ARID4B: variants seen among roughly 807,000 people sequenced by gnomAD.
ARID4B encodes the protein AT-rich interactive domain-containing protein 4B.
In ARID4B, 26 loss-of-function variants were observed where a neutral mutation model predicts 147.5. That is an observed-to-expected ratio of 0.18 (90% CI 0.13 to 0.24). ARID4B has a LOEUF of 0.24. ARID4B is among the 10% of genes least tolerant of loss of function. The pLI is 1.00. For missense variants in ARID4B, 1,179 were observed against 1,511.5 expected (o/e 0.78, Z 3.65); for synonymous variants, 512 against 507.9 (o/e 1.01, Z -0.11).
chr1:235,250,144 G>T (rs575294295), intron 6 of ARID4B, among the ~76,000 whole-genome samples: 1 of 151,904 alleles, frequency 6.6e-6, no homozygotes, highest in South Asian at 2.1e-4. Flanking sequence ...AAAATAAAAA[G>T]ATAAACTGAC....
intron 2 of ARID4B, among the ~76,000 whole-genome samples, chr1:235,318,168 CTTTTTTTTTTTTTT>C (rs372816686): frequency 8.9e-6 from 1 of 111,988 alleles, no homozygotes; most frequent in African/African-American, 4.2e-5. Flanking sequence ...CTTGCTACTC[CTTTTTTTTTTTTTT>C]TTTTTTTTTT....
intron 17 of ARID4B, among the ~76,000 whole-genome samples, chr1:235,210,896 A>G (rs1337978265): frequency 6.6e-6 from 1 of 152,242 alleles, no homozygotes; most frequent in Admixed American, 6.5e-5. Context: ...TACCATCTAA[A>G]ATCAAAATAC....
At chr1:235,300,477 C>T (rs1258339528) in intron 2 of ARID4B, among the ~76,000 whole-genome samples, 1 of 151,718 alleles carries the variant, frequency 6.6e-6, no homozygotes, top group African/African-American at 2.4e-5. Flanking sequence ...ACTCTATGCT[C>T]TATAACTTTC....
At chr1:235,299,022 G>A (rs1275606320) in intron 2 of ARID4B, among the ~76,000 whole-genome samples, 1 of 152,092 alleles carries the variant, frequency 6.6e-6, no homozygotes, top group East Asian at 1.9e-4. Context: ...GGGAGGCAGA[G>A]GCAAGAGGAT....
chr1:235,254,255 T>C (rs1669813465), intron 5 of ARID4B, among the ~76,000 whole-genome samples: 1 of 152,106 alleles, frequency 6.6e-6, no homozygotes, highest in Non-Finnish European at 1.5e-5. Flanking sequence ...CTATTCTATC[T>C]GAAAGTTCTA....
At chr1:235,233,579 T>C (rs1668375016) in intron 9 of ARID4B, among the ~76,000 whole-genome samples, 1 of 152,264 alleles carries the variant, frequency 6.6e-6, no homozygotes, top group African/African-American at 2.4e-5. Context: ...CTGGCTTCTC[T>C]AGTCATATAA....
intron 2 of ARID4B, among the ~76,000 whole-genome samples, chr1:235,264,438 T>C (rs1670474502): frequency 6.6e-6 from 1 of 152,212 alleles, no homozygotes; most frequent in Non-Finnish European, 1.5e-5. Context: ...CACTCTATCA[T>C]TACTTTAACA....
chr1:235,327,438 T>A (rs1373635858), intron 1 of ARID4B: 2 of 152,216 alleles, frequency 1.3e-5, no homozygotes, highest in African/African-American at 4.8e-5. Flanking sequence ...CACGTCCCGT[T>A]CCGGGCTCAG....
At chr1:235,274,806 T>G (rs1192876472) in intron 2 of ARID4B, among the ~76,000 whole-genome samples, 1 of 152,222 alleles carries the variant, frequency 6.6e-6, no homozygotes, top group Admixed American at 6.5e-5. Context: ...TTTTACTCCC[T>G]GATTCTCAGT....
intron 6 of ARID4B, among the ~76,000 whole-genome samples, chr1:235,251,321 A>T (rs1669633414): frequency 6.6e-6 from 1 of 152,172 alleles, no homozygotes; most frequent in Admixed American, 6.5e-5. Context: ...AAGCATTTAT[A>T]ATGGCCTTCA....
At chr1:235,169,558 C>CG (rs1663183988) in intron 23 of ARID4B, among the ~76,000 whole-genome samples, 2 of 145,512 alleles carry the variant, frequency 1.4e-5, no homozygotes, top group South Asian at 2.2e-4. Flanking sequence ...TTTTTTGAGA[C>CG]GGAGTCTCAC....
intron 16 of ARID4B, among the ~76,000 whole-genome samples, chr1:235,215,312 A>G (rs1453932499): frequency 2.6e-5 from 4 of 152,118 alleles, no homozygotes; most frequent in Non-Finnish European, 5.9e-5. Flanking sequence ...ATGAAATCCA[A>G]GGCTACATTT....
At chr1:235,172,586 T>G in intron 23 of ARID4B, 32 bp downstream of exon 23, 1 of 1,402,858 alleles carries the variant, frequency 7.1e-7, no homozygotes, top group Non-Finnish European at 9.5e-7. Context: ...TCAAAATAAA[T>G]AAATAAATAA....
At chr1:235,288,455 ATC>A (rs529087917) in intron 2 of ARID4B, among the ~76,000 whole-genome samples, 9 of 152,184 alleles carry the variant, frequency 5.9e-5, no homozygotes, top group Non-Finnish European at 1.3e-4. Flanking sequence ...ATTTCTGTGA[ATC>A]TATTTTTACA....
At chr1:235,309,060 A>T (rs1242889342) in intron 2 of ARID4B, among the ~76,000 whole-genome samples, 2 of 140,988 alleles carry the variant, frequency 1.4e-5, no homozygotes, top group Non-Finnish European at 1.5e-5. Context: ...CATCCCATCT[A>T]GGAAGTGAGG....
At chr1:235,252,031 A>G (rs968524217) in intron 6 of ARID4B, among the ~76,000 whole-genome samples, 1 of 152,182 alleles carries the variant, frequency 6.6e-6, no homozygotes, top group Non-Finnish European at 1.5e-5. Context: ...AAATACAATA[A>G]TGTATGTAAA....
intron 8 of ARID4B, among the ~76,000 whole-genome samples, chr1:235,235,914 G>GTAT (rs1385118868): frequency 1.3e-5 from 2 of 151,750 alleles, no homozygotes; most frequent in Non-Finnish European, 2.9e-5. Context: ...TATAGTTCCT[G>GTAT]GGACTATGTA....
At chr1:235,202,734 G>A (rs189578724) in intron 17 of ARID4B, among the ~76,000 whole-genome samples, 22 of 152,018 alleles carry the variant, frequency 1.4e-4, no homozygotes, top group African/African-American at 5.1e-4. Context: ...ATTTTTAGTA[G>A]AGACTGGGTT....
intron 17 of ARID4B, among the ~76,000 whole-genome samples, chr1:235,209,241 G>A (rs938128200): frequency 2.0e-5 from 3 of 152,180 alleles, no homozygotes; most frequent in Non-Finnish European, 4.4e-5. Context: ...TACGGGGGCA[G>A]AGGTGGATCA....
Sources: allele counts gnomAD v4.1 joint callset (sites outside exome capture counted in the v4.1 genomes callset), GRCh38; gene constraint gnomAD v4.1.1; transcripts MANE v1.5; gene names NCBI Gene and HGNC (gene_info 2026-07-23, HGNC 2026-07-21).